Variants in SDK1 observed in about 807,000 individuals in gnomAD.
SDK1 encodes sidekick cell adhesion molecule 1, also known as protein sidekick-1.
SDK1 carries 157 observed loss-of-function variants against 245.5 expected under a neutral mutation model. That is an observed-to-expected ratio of 0.64 (90% CI 0.56 to 0.73). The LOEUF (loss-of-function observed/expected upper bound fraction) is 0.73. Ranked by LOEUF, SDK1 falls within the 30% of genes least tolerant of loss-of-function variation. The probability of loss-of-function intolerance (pLI) is 0.00; values close to 1 mark genes in which losing one functional copy is unlikely to be tolerated. For missense variants in SDK1, 3,583 were observed against 3,002.3 expected (o/e 1.19, Z -4.52); for synonymous variants, 1,647 against 1,278.5 (o/e 1.29, Z -6.15).
At chr7:3,641,643 A>G (rs1044022875) in intron 3 of SDK1, among the ~76,000 whole-genome samples, 1 of 152,238 alleles carries the variant, frequency 6.6e-6, no homozygotes, top group Non-Finnish European at 1.5e-5. Flanking sequence ...ACGTGGCTCT[A>G]GGATGGCTTC....
At chr7:3,787,110 A>G (rs1780924458) in intron 4 of SDK1, among the ~76,000 whole-genome samples, 1 of 151,454 alleles carries the variant, frequency 6.6e-6, no homozygotes, top group African/African-American at 2.4e-5. Flanking sequence ...TCGTGTCACT[A>G]AAATTCTTTA....
At chr7:3,306,023 C>G (rs1415059157) in intron 1 of SDK1, among the ~76,000 whole-genome samples, 1 of 152,132 alleles carries the variant, frequency 6.6e-6, no homozygotes, top group Non-Finnish European at 1.5e-5. Context: ...CTGAACATAA[C>G]TTGAGTTCAT....
At chr7:4,130,419 G>C (rs1395956926) in intron 27 of SDK1, 1 of 347,176 alleles carries the variant, frequency 2.9e-6, no homozygotes, top group South Asian at 4.4e-5. Flanking sequence ...CTCTTGGCAG[G>C]GGCTCCACAC....
chr7:4,241,837 G>A lies in SDK1; in HGVS notation c.6175G>A (p.Gly2059Arg), dbSNP rs527249436. The part of the protein sequence containing the change: ...TMEESVTLDN[G>R]GFAALELSSR... ...GGAGGAGTCTGTGACCCTGGACAAC[G>A]GAGGATTTGCTGCCCTGGAGCTCAG... Residue 2059 changes from glycine (G) to arginine (R), a missense_variant, in exon 43 of 45, where the codon GGA becomes AGA. Gly to Arg is a moderately radical substitution (Grantham distance 125). Coordinates refer to ENST00000404826, the MANE Select transcript of SDK1 (RefSeq NM_152744.4). 26 of 1,614,190 alleles carry A rather than the reference G, an allele frequency of 1.6e-5. No individual in the cohort carries two copies. The East Asian group carries it at 2.0e-4, about 12-fold the overall frequency.
intron 1 of SDK1, among the ~76,000 whole-genome samples, chr7:3,451,264 G>A (rs563382668): frequency 1.3e-5 from 2 of 151,704 alleles, no homozygotes; most frequent in East Asian, 1.9e-4. Flanking sequence ...AGACAAGCCC[G>A]GAGTTCCAGG....
At chr7:3,411,067 T>A (rs528218790) in intron 1 of SDK1, among the ~76,000 whole-genome samples, 46 of 152,152 alleles carry the variant, frequency 3.0e-4, no homozygotes, top group Admixed American at 1.3e-4. Flanking sequence ...GTAATGAAAA[T>A]CATCATTATA....
chr7:3,810,944 A>C (rs1042580049), intron 4 of SDK1, among the ~76,000 whole-genome samples: 3 of 151,996 alleles, frequency 2.0e-5, no homozygotes, highest in African/African-American at 7.2e-5. Flanking sequence ...TCATTTTATG[A>C]CTCTAATGTG....
Position 3,479,593 on chromosome 7 carries a change from G to A in SDK1, c.299-139487G>A, listed in dbSNP as rs375084437. 1.2e-3 allele frequency among the ~76,000 whole-genome samples: 177 copies of A among 152,106 alleles called. 3 individuals are homozygous for A. In the South Asian group the frequency reaches 0.034, roughly 30 times the overall value. On this transcript the variant is annotated intron_variant, in intron 1 of 44. Coordinates refer to ENST00000404826, the MANE Select transcript of SDK1 (RefSeq NM_152744.4). ...AATTACTTCACTAAGGCCAGGCATG[G>A]TGGCTCACGCCTGTAATCCCAGCAC...
chr7:4,104,446 G>C (rs1294499022), intron 22 of SDK1, among the ~76,000 whole-genome samples: 1 of 152,206 alleles, frequency 6.6e-6, no homozygotes, highest in Non-Finnish European at 1.5e-5. Flanking sequence ...ATTTGGCCCA[G>C]ACTCTGTGAA....
chr7:3,549,902 A>G (rs1364110379), intron 1 of SDK1, among the ~76,000 whole-genome samples: 1 of 152,206 alleles, frequency 6.6e-6, no homozygotes, highest in Non-Finnish European at 1.5e-5. Flanking sequence ...AGAAAGGAAA[A>G]AAAAACCCAT....
At chr7:3,363,094 A>C (rs999821830) in intron 1 of SDK1, among the ~76,000 whole-genome samples, 1 of 152,218 alleles carries the variant, frequency 6.6e-6, no homozygotes, top group African/African-American at 2.4e-5. Flanking sequence ...CATCACCACA[A>C]GGATCTCTCA....
In SDK1 at chr7:3,398,281, G is replaced by T. The variant is rs140239217; in HGVS notation, c.298+96397G>T. On this transcript the variant is annotated intron_variant, in intron 1 of 44. Coordinates refer to ENST00000404826, the MANE Select transcript of SDK1 (RefSeq NM_152744.4). ...GCAGCTATTTTAGTTGTAATCCACTGTTGTTCTATTAGAGCCCTGTTGATG... is the reference window on the plus strand; with the variant it reads ...GCAGCTATTTTAGTTGTAATCCACTTTTGTTCTATTAGAGCCCTGTTGATG... Among the ~76,000 whole-genome samples the T allele has an allele frequency of 1.1e-4, 17 of 152,218 alleles. No individual in the cohort carries two copies. In the East Asian group the frequency reaches 2.5e-3, roughly 22 times the overall value.
At position 4,113,442 on chromosome 7, in the gene SDK1, G is replaced by A. The variant is rs1783484711; in HGVS notation, c.3585+3G>A. 1.2e-6 allele frequency: 2 copies of A among 1,613,512 alleles called. No homozygotes were observed. Among genetic ancestry groups the A allele is most frequent in the South Asian group, 1.1e-5 (1 of 91,046 alleles). ...CCAGCCTGCGGCTTCGCTGGGTGGT[G>A]AGTGGGGGTGAGAAGGGAGGCTGGA... On this transcript the variant is annotated splice_donor_region_variant and intron_variant, in intron 24 of 44. Transcript: ENST00000404826.
chr7:3,938,645 CA>C (rs559065786), intron 5 of SDK1, among the ~76,000 whole-genome samples: 2,341 of 90,418 alleles, frequency 0.026, 31 homozygotes, highest in Admixed American at 0.034. Context: ...GACTCCGTCT[CA>C]AAAAAAAAAA....
At position 4,159,615 on chromosome 7, in the gene SDK1, C is replaced by T. The variant is rs567953109; in HGVS notation, c.4729+1064C>T. On this transcript the variant is annotated intron_variant, in intron 31 of 44. Coordinates refer to ENST00000404826, the MANE Select transcript of SDK1 (RefSeq NM_152744.4). Reference sequence around the variant, plus strand: ...GAAAGCCAGTGAGAAAGAGAGGAGCCGTCCCGGGTATATGGGGTGGTCCAG... The same window carrying T: ...GAAAGCCAGTGAGAAAGAGAGGAGCTGTCCCGGGTATATGGGGTGGTCCAG... 5.3e-5 allele frequency among the ~76,000 whole-genome samples: 8 copies of T among 152,296 alleles called. No individual in the cohort carries two copies. In the South Asian group the frequency reaches 8.3e-4, roughly 16 times the overall value.
chr7:3,418,795 C>T (rs1313439231), intron 1 of SDK1, among the ~76,000 whole-genome samples: 4 of 152,160 alleles, frequency 2.6e-5, no homozygotes, highest in South Asian at 4.2e-4. Context: ...GTTGACTATT[C>T]TCAGCACTTT....
intron 27 of SDK1, chr7:4,130,485 T>A: frequency 4.9e-6 from 1 of 204,124 alleles, no homozygotes; most frequent in Non-Finnish European, 9.9e-6. Context: ...AGGGAATGCC[T>A]GAAACTGCAG....
At chr7:4,185,061 C>T (rs117906525) in intron 35 of SDK1, among the ~76,000 whole-genome samples, 2,102 of 152,278 alleles carry the variant, frequency 0.014, 23 homozygotes, top group Middle Eastern at 0.02. Flanking sequence ...CCTGAGGTGC[C>T]CAAAGCCAGG....
intron 5 of SDK1, among the ~76,000 whole-genome samples, chr7:3,866,288 A>G (rs977484768): frequency 1.3e-5 from 2 of 152,214 alleles, no homozygotes; most frequent in African/African-American, 4.8e-5. Context: ...TTCCAGGCTC[A>G]GGGAATTCTA....
Sources: gnomAD v4.1 joint callset for allele counts (sites outside exome capture counted in the v4.1 genomes callset) on GRCh38, gnomAD v4.1.1 for gene constraint, MANE v1.5 for transcripts, NCBI Gene and HGNC (gene_info 2026-07-23, HGNC 2026-07-21) for gene names.